The following TSPAN18 variants were observed in gnomAD, a reference collection of about 807,000 sequenced individuals.
The protein encoded by TSPAN18 is tetraspanin-18.
A neutral mutation model predicts 27.3 loss-of-function variants in TSPAN18; 14 were observed. The ratio of observed to expected loss-of-function variants is 0.51; its 90% CI spans 0.34 to 0.80. The LOEUF (loss-of-function observed/expected upper bound fraction) is 0.80, where lower values mean the gene tolerates loss of function less well. TSPAN18 is among the 30% of genes least tolerant of loss of function. The pLI, the probability that TSPAN18 is intolerant of heterozygous loss-of-function variation, is 0.01. For synonymous variants in TSPAN18, 143 were observed against 136.5 expected, an observed-to-expected ratio of 1.05 and a Z score of -0.33; for missense variants, 268 against 323.9, an observed-to-expected ratio of 0.83 and a Z score of 1.32.
chr11:44,773,272 C>G (rs142413117), intron 2 of TSPAN18, among the ~76,000 whole-genome samples: 2 of 151,852 alleles, frequency 1.3e-5, no homozygotes. Context: ...TAAAATTAGC[C>G]GGGCGTGGTG....
At chr11:44,909,219 T>C (rs542990309) in intron 4 of TSPAN18, among the ~76,000 whole-genome samples, 2 of 152,282 alleles carry the variant, frequency 1.3e-5, no homozygotes, top group South Asian at 2.1e-4. Context: ...AAACACAGCA[T>C]AGGGCTGACT....
At chr11:44,737,292 G>A (rs1483016715) in intron 1 of TSPAN18, among the ~76,000 whole-genome samples, 1 of 152,220 alleles carries the variant, frequency 6.6e-6, no homozygotes, top group East Asian at 1.9e-4. Flanking sequence ...GTTGGAGGAT[G>A]AGGAGAAGCT....
intron 1 of TSPAN18, among the ~76,000 whole-genome samples, chr11:44,756,118 C>T (rs981279593): frequency 1.3e-5 from 2 of 152,156 alleles, no homozygotes; most frequent in Admixed American, 6.5e-5. Flanking sequence ...GTCTTCCTGG[C>T]TCTCTTCCTC....
chr11:44,833,394 T>C (rs140080571), intron 2 of TSPAN18, among the ~76,000 whole-genome samples: 1 of 151,716 alleles, frequency 6.6e-6, no homozygotes, highest in East Asian at 2.0e-4. Context: ...AGGTAATTAT[T>C]TCTCATTTGA....
intron 9 of TSPAN18, 66 bp downstream of exon 9, chr11:44,926,823 C>T (rs1235163636): frequency 3.3e-6 from 5 of 1,537,856 alleles, no homozygotes; most frequent in Non-Finnish European, 4.5e-6. Context: ...TAGGCAGATC[C>T]CCCCAGCCTC....
At chr11:44,726,589 C>T (rs1854506977), upstream of TSPAN18, 1 of 152,064 alleles carries the variant, frequency 6.6e-6, no homozygotes, top group African/African-American at 2.4e-5. Flanking sequence ...GCGTTTGGGC[C>T]CCGGGGTCAG....
chr11:44,849,134 G>A (rs559378798), intron 2 of TSPAN18, among the ~76,000 whole-genome samples: 2 of 152,306 alleles, frequency 1.3e-5, no homozygotes, highest in South Asian at 2.1e-4. Flanking sequence ...GGCTACGGGT[G>A]GCAGCAGGGG....
At chr11:44,869,496 G>T (rs936835902) in intron 3 of TSPAN18, among the ~76,000 whole-genome samples, 3 of 152,166 alleles carry the variant, frequency 2.0e-5, no homozygotes, top group African/African-American at 7.2e-5. Context: ...ACAGTGCATA[G>T]AAGCTGGGCC....
chr11:44,869,186 G>A (rs949609345), intron 3 of TSPAN18, among the ~76,000 whole-genome samples: 6 of 152,174 alleles, frequency 3.9e-5, no homozygotes, highest in Non-Finnish European at 5.9e-5. Context: ...TAAGGTGATC[G>A]GTTTTGACTC....
intron 3 of TSPAN18, among the ~76,000 whole-genome samples, chr11:44,879,621 G>A (rs1018592458): frequency 6.6e-6 from 1 of 152,240 alleles, no homozygotes; most frequent in Non-Finnish European, 1.5e-5. Flanking sequence ...GGTGGAAAAG[G>A]CCAGAGCAGC....
chr11:44,842,152 C>T (rs1857386928), intron 2 of TSPAN18, among the ~76,000 whole-genome samples: 1 of 152,142 alleles, frequency 6.6e-6, no homozygotes, highest in African/African-American at 2.4e-5. Context: ...GGCAGAAGCC[C>T]CAAGGTGGGC....
intron 5 of TSPAN18, among the ~76,000 whole-genome samples, chr11:44,913,896 C>G (rs1859812973): frequency 6.6e-6 from 1 of 152,250 alleles, no homozygotes; most frequent in African/African-American, 2.4e-5. Context: ...GGGAATTCCC[C>G]AAAGGACTTT....
At chr11:44,892,139 G>T (rs1388822395) in intron 3 of TSPAN18, among the ~76,000 whole-genome samples, 1 of 152,076 alleles carries the variant, frequency 6.6e-6, no homozygotes, top group Non-Finnish European at 1.5e-5. Context: ...CTATCCCCTG[G>T]TGCTTATACC....
intron 2 of TSPAN18, among the ~76,000 whole-genome samples, chr11:44,787,898 A>T (rs555269065): frequency 2.7e-5 from 4 of 147,334 alleles, no homozygotes; most frequent in Non-Finnish European, 4.4e-5. Context: ...TTTGCCTTAA[A>T]GCCCCTCGTT....
chr11:44,783,104 A>G (rs1013841375), intron 2 of TSPAN18, among the ~76,000 whole-genome samples: 3 of 152,216 alleles, frequency 2.0e-5, no homozygotes, highest in Non-Finnish European at 4.4e-5. Context: ...CTGAGATTAC[A>G]GGTGTGAGCC....
At chr11:44,761,888 T>C (rs1440989876) in intron 1 of TSPAN18, among the ~76,000 whole-genome samples, 1 of 152,230 alleles carries the variant, frequency 6.6e-6, no homozygotes, top group Non-Finnish European at 1.5e-5. Context: ...CAGGGACATC[T>C]GCGCCAGCCA....
rs1343969536 is a variant in TSPAN18 at position 44,816,138 on chromosome 11, C to T, written c.-152-44190C>T. Reference sequence around the variant, plus strand: ...GGACTGGAGAAGGGATGATAAATCACTTTTATTGTTAGCGCCAATGTAGAC... The same window carrying T: ...GGACTGGAGAAGGGATGATAAATCATTTTTATTGTTAGCGCCAATGTAGAC... On this transcript the variant is annotated intron_variant, in intron 2 of 9. Coordinates refer to ENST00000520358, the MANE Select transcript of TSPAN18 (RefSeq NM_130783.5). Among the ~76,000 whole-genome samples the T allele has an allele frequency of 2.1e-5, 3 of 144,906 alleles. No homozygotes were observed. In the East Asian group the frequency reaches 6.3e-4, roughly 30 times the overall value.
At chr11:44,745,884 G>A (rs1173430776) in intron 1 of TSPAN18, among the ~76,000 whole-genome samples, 5 of 152,136 alleles carry the variant, frequency 3.3e-5, no homozygotes, top group Admixed American at 3.3e-4. Flanking sequence ...AAAATTAGCC[G>A]GGCGTGGTTG....
At chr11:44,826,235 C>G (rs1857040309) in intron 2 of TSPAN18, among the ~76,000 whole-genome samples, 1 of 152,150 alleles carries the variant, frequency 6.6e-6, no homozygotes, top group Non-Finnish European at 1.5e-5. Context: ...CCAGCCTGAC[C>G]AACATGGAGA....
Sources: gnomAD v4.1 joint callset for allele counts (sites outside exome capture counted in the v4.1 genomes callset) on GRCh38, gnomAD v4.1.1 for gene constraint, MANE v1.5 for transcripts, NCBI Gene and HGNC (gene_info 2026-07-23, HGNC 2026-07-21) for gene names.